TBC1D14: variants seen among roughly 807,000 people sequenced by gnomAD.
TBC1D14 encodes TBC1 domain family member 14.
TBC1D14 carries 26 observed loss-of-function variants against 79.0 expected under a neutral mutation model. The ratio of observed to expected loss-of-function variants is 0.33; its 90% confidence interval spans 0.24 to 0.46. TBC1D14 has a LOEUF of 0.46. Among genes scored for constraint, TBC1D14 ranks in the 20% least tolerant of loss-of-function variants. The pLI, the probability that TBC1D14 is intolerant of heterozygous loss-of-function variation, is 1.00. For missense variants in TBC1D14, 769 were observed against 887.6 expected (o/e 0.87, Z 1.70); for synonymous variants, 394 against 349.9 (o/e 1.13, Z -1.40).
intron 2 of TBC1D14, among the ~76,000 whole-genome samples, chr4:6,953,403 C>T (rs1714275508): frequency 1.5e-5 from 2 of 132,882 alleles, no homozygotes; most frequent in African/African-American, 5.4e-5. Context: ...GGGCGGATCA[C>T]GAGGTCAGGA....
intron 3 of TBC1D14, among the ~76,000 whole-genome samples, chr4:6,980,960 C>A (rs1282997487): frequency 6.6e-5 from 10 of 151,864 alleles, no homozygotes; most frequent in Admixed American, 6.6e-4. Flanking sequence ...TGTGATCCAC[C>A]CGCCTTGGCC....
chr4:6,958,937 G>C (rs1714922726), intron 2 of TBC1D14, among the ~76,000 whole-genome samples: 1 of 151,548 alleles, frequency 6.6e-6, no homozygotes, highest in Admixed American at 6.6e-5. Context: ...AGGCTGGAGT[G>C]CAGTGGTGGG....
chr4:6,931,417 T>G (rs1279972751), intron 2 of TBC1D14, among the ~76,000 whole-genome samples: 2 of 152,190 alleles, frequency 1.3e-5, no homozygotes, highest in Non-Finnish European at 2.9e-5. Context: ...CCCGAGACGT[T>G]TCTTTAAATC....
chr4:6,981,754 CAATTTAAAG>C (rs1717394821), intron 3 of TBC1D14, among the ~76,000 whole-genome samples: 2 of 152,320 alleles, frequency 1.3e-5, no homozygotes, highest in Admixed American at 1.3e-4. Context: ...ACCATACTAC[CAATTTAAAG>C]AAAACCACAC....
At chr4:6,917,391 G>C (rs1027047518) in intron 1 of TBC1D14, among the ~76,000 whole-genome samples, 8 of 152,330 alleles carry the variant, frequency 5.3e-5, no homozygotes, top group Non-Finnish European at 8.8e-5. Context: ...GTTTCAGGTG[G>C]GGTGTAGCCA....
chr4:6,960,569 T>G (rs974734935), intron 2 of TBC1D14, among the ~76,000 whole-genome samples: 2 of 152,236 alleles, frequency 1.3e-5, no homozygotes, highest in Admixed American at 6.5e-5. Flanking sequence ...CCTGTTGGCC[T>G]CCTGAAAGCT....
intron 2 of TBC1D14, among the ~76,000 whole-genome samples, chr4:6,952,759 T>C (rs1212816876): frequency 2.0e-5 from 3 of 152,174 alleles, no homozygotes; most frequent in African/African-American, 4.8e-5. Flanking sequence ...CTGCAGGGGC[T>C]AGTTGACATA....
chr4:6,912,373 C>T (rs950564342), intron 1 of TBC1D14, among the ~76,000 whole-genome samples: 7 of 150,634 alleles, frequency 4.6e-5, no homozygotes, highest in Admixed American at 1.3e-4. Context: ...AGCTAGACTC[C>T]GTCTCAAAAA....
chr4:6,943,041 G>A (rs1560266452), intron 2 of TBC1D14, among the ~76,000 whole-genome samples: 1 of 152,132 alleles, frequency 6.6e-6, no homozygotes, highest in Non-Finnish European at 1.5e-5. Context: ...TGATTTCCAG[G>A]CCATGCTCCC....
At chr4:6,921,400 C>T (rs1723847927) in intron 1 of TBC1D14, among the ~76,000 whole-genome samples, 1 of 152,044 alleles carries the variant, frequency 6.6e-6, no homozygotes, top group Admixed American at 6.6e-5. Context: ...AAGACAGAGT[C>T]TCCCATTGTT....
chr4:6,968,131 C>T (rs1431343765), intron 3 of TBC1D14, among the ~76,000 whole-genome samples: 1 of 152,146 alleles, frequency 6.6e-6, no homozygotes, highest in Non-Finnish European at 1.5e-5. Flanking sequence ...CGCGACATTG[C>T]CCCCAGCACC....
At chr4:6,955,563 G>A (rs1272394731) in intron 2 of TBC1D14, among the ~76,000 whole-genome samples, 1 of 152,214 alleles carries the variant, frequency 6.6e-6, no homozygotes, top group Non-Finnish European at 1.5e-5. Flanking sequence ...GGAGCCGAGT[G>A]CTGCATTGCT....
intron 12 of TBC1D14, among the ~76,000 whole-genome samples, chr4:7,019,654 G>C (rs1219822675): frequency 6.6e-6 from 1 of 152,238 alleles, no homozygotes; most frequent in African/African-American, 2.4e-5. Context: ...TTTCATGTCT[G>C]TTGGCCCCTG....
intron 2 of TBC1D14, among the ~76,000 whole-genome samples, chr4:6,965,286 T>C (rs192836848): frequency 9.9e-4 from 150 of 152,172 alleles, no homozygotes; most frequent in African/African-American, 3.4e-3. Flanking sequence ...GCCTCCCGAG[T>C]AGCTGGGATT....
At chr4:6,954,461 CTGTGGG>C in intron 2 of TBC1D14, 1 of 705,426 alleles carries the variant, frequency 1.4e-6, no homozygotes, top group East Asian at 2.7e-5. Context: ...TGAGGTGTTT[CTGTGGG>C]TCTCCCCCGG....
rs947655070 is a variant in TBC1D14, at chr4:6,909,949, C to T, written c.-20C>T. 8.1e-5 allele frequency: 12 copies of T among 147,714 alleles called. No individual in the cohort carries two copies. The highest frequency in any genetic ancestry group is 1.5e-4 in the Non-Finnish European group (10 of 66,272). 9.2% of individuals were successfully genotyped at this position (147,714 alleles called of 1,614,324 possible). A position where few individuals can be genotyped will look rare whatever the true frequency, so the allele number is the denominator to read the frequency against. On this transcript the variant is annotated splice_region_variant and 5_prime_UTR_variant, in exon 1 of 14. Coordinates refer to ENST00000409757, the MANE Select transcript of TBC1D14 (RefSeq NM_020773.3). ...GGATGGCGTCGGAGCCGCGCTAACTCCGGTACTGAGAGCCTCCCGCGAGGG... is the reference window on the plus strand; with the variant it reads ...GGATGGCGTCGGAGCCGCGCTAACTTCGGTACTGAGAGCCTCCCGCGAGGG...
intron 2 of TBC1D14, among the ~76,000 whole-genome samples, chr4:6,933,246 C>T (rs1711936123): frequency 6.3e-5 from 1 of 15,928 alleles, no homozygotes; most frequent in African/African-American, 2.3e-4. Flanking sequence ...TACCTCCCCT[C>T]CCCTCCCCTC....
intron 3 of TBC1D14, among the ~76,000 whole-genome samples, chr4:6,991,716 C>T (rs527551454): frequency 1.3e-5 from 2 of 152,028 alleles, no homozygotes; most frequent in South Asian, 4.2e-4. Context: ...TGGAGTTAAC[C>T]CAGCATGGTC....
At chr4:7,028,474 T>G (rs556978178) in intron 13 of TBC1D14, among the ~76,000 whole-genome samples, 25 of 151,954 alleles carry the variant, frequency 1.6e-4, no homozygotes, top group African/African-American at 6.0e-4. Context: ...TTGCCCAGGC[T>G]GGAGTGCAGT....
Sources: allele counts gnomAD v4.1 joint callset (sites outside exome capture counted in the v4.1 genomes callset), GRCh38; gene constraint gnomAD v4.1.1; transcripts MANE v1.5; gene names NCBI Gene and HGNC (gene_info 2026-07-23, HGNC 2026-07-21).